CAST: variants seen among roughly 807,000 people sequenced by gnomAD.
The protein encoded by CAST is calpastatin, also known as MIR583 host.
A neutral mutation model predicts 119.6 loss-of-function variants in CAST; 76 were observed. The observed-to-expected ratio is 0.64, with a 90% CI of 0.53 to 0.77. CAST has a LOEUF of 0.77. Ranked by LOEUF, CAST falls within the 30% of genes least tolerant of loss-of-function variation. The probability of loss-of-function intolerance (pLI) is 0.00; values close to 1 mark genes in which losing one functional copy is unlikely to be tolerated. For missense variants in CAST, 953 were observed against 946.5 expected, an observed-to-expected ratio of 1.01 and a Z score of -0.09; for synonymous variants, 319 against 331.6, an observed-to-expected ratio of 0.96 and a Z score of 0.41.
At chr5:96,433,607 G>A in the CAST span, among the ~76,000 whole-genome samples, 7 of 152,000 alleles carry the variant, frequency 4.6e-5, no homozygotes, top group Non-Finnish European at 8.8e-5. Context: ...GTGGCGGGGA[G>A]GGGGGGAGGC....
At position 96,737,920 on chromosome 5, in the gene CAST, T is replaced by C. The variant is rs975135177; in HGVS notation, c.771T>C (p.Asn257=). The C allele has an allele frequency of 1.1e-5, 18 of 1,600,242 alleles. No homozygotes were observed. Among genetic ancestry groups the C allele is most frequent in the Admixed American group, 1.7e-5 (1 of 59,954 alleles). ...GACCTGAAGAAACTGAAGAAGAAAA[T>C]ACAACGTATACTGGACCAGAAGTTT... is the stretch of plus-strand genomic sequence containing the variant. ...LGGPEETEEE[N]TTYTGPEVSD... The change falls in exon 11 of 32, where the codon AAT becomes AAC. Residue 257 remains asparagine, a synonymous_variant. Coordinates refer to ENST00000675179, the MANE Select transcript of CAST (RefSeq NM_001750.7).
At chr5:96,676,746 T>A (rs1010879327) in intron 2 of CAST, among the ~76,000 whole-genome samples, 3 of 151,936 alleles carry the variant, frequency 2.0e-5, no homozygotes, top group African/African-American at 7.3e-5. Flanking sequence ...TTTTTCTTTT[T>A]CCCAACATGA....
chr5:96,453,004 C>T, the CAST span, among the ~76,000 whole-genome samples: 4 of 146,364 alleles, frequency 2.7e-5, no homozygotes, highest in African/African-American at 7.8e-5. Flanking sequence ...AAAATCCTGT[C>T]ACAGAAATTC....
the CAST span, among the ~76,000 whole-genome samples, chr5:96,019,885 A>C: frequency 1.3e-5 from 2 of 152,242 alleles, no homozygotes; most frequent in African/African-American, 4.8e-5. Context: ...TTTTGAGTAA[A>C]TGCGATTTCC....
chr5:96,207,887 A>G, the CAST span, among the ~76,000 whole-genome samples: 4 of 151,770 alleles, frequency 2.6e-5, no homozygotes, highest in Admixed American at 6.6e-5. Flanking sequence ...GCTCTTCTTT[A>G]TGTGTCTAGT....
chr5:96,313,620 T>C, the CAST span, among the ~76,000 whole-genome samples: 1 of 152,234 alleles, frequency 6.6e-6, no homozygotes, highest in South Asian at 2.1e-4. Context: ...AACATCCATA[T>C]GCAGGTTTTT....
chr5:96,119,278 A>T, the CAST span, among the ~76,000 whole-genome samples: 2 of 152,178 alleles, frequency 1.3e-5, no homozygotes, highest in Non-Finnish European at 2.9e-5. Flanking sequence ...AGTTGAAAAA[A>T]ATTTTTAAAA....
the CAST span, chr5:95,961,676 C>G: frequency 1.9e-6 from 3 of 1,607,654 alleles, no homozygotes; most frequent in Non-Finnish European, 2.5e-6. Context: ...CACGACAGCC[C>G]ATAGCGCTGC....
At chr5:96,430,022 T>C in the CAST span, among the ~76,000 whole-genome samples, 1 of 152,246 alleles carries the variant, frequency 6.6e-6, no homozygotes, top group African/African-American at 2.4e-5. Context: ...TCAGTGCCAC[T>C]TTCCACTAAA....
the CAST span, among the ~76,000 whole-genome samples, chr5:96,082,862 T>G: frequency 6.6e-6 from 1 of 152,214 alleles, no homozygotes; most frequent in Admixed American, 6.5e-5. Context: ...GAAATTAGAA[T>G]TTCACTCCCT....
the CAST span, among the ~76,000 whole-genome samples, chr5:96,262,860 A>T: frequency 6.4e-4 from 98 of 152,168 alleles, no homozygotes; most frequent in East Asian, 0.019. Flanking sequence ...AGCAGGGCCC[A>T]ATCCCTGACC....
the CAST span, among the ~76,000 whole-genome samples, chr5:96,046,492 G>T: frequency 2.7e-3 from 410 of 152,218 alleles, 2 homozygotes; most frequent in Middle Eastern, 0.02. Flanking sequence ...ATCCAAAAAT[G>T]TAACATAATT....
the CAST span, among the ~76,000 whole-genome samples, chr5:96,477,306 GCACACACA>G: frequency 1.4e-5 from 2 of 145,290 alleles, no homozygotes; most frequent in African/African-American, 2.5e-5. Context: ...ACGCACGCGT[GCACACACA>G]CACACACACA....
chr5:96,451,185 A>G, the CAST span, among the ~76,000 whole-genome samples: 1 of 152,224 alleles, frequency 6.6e-6, no homozygotes, highest in Non-Finnish European at 1.5e-5. Flanking sequence ...GAGGGCAGAC[A>G]CCTAGTCTTA....
At chr5:96,247,320 T>C in the CAST span, among the ~76,000 whole-genome samples, 1 of 152,160 alleles carries the variant, frequency 6.6e-6, no homozygotes, top group Non-Finnish European at 1.5e-5. Flanking sequence ...GGTTCCAACT[T>C]TGGGTTATGC....
intron 1 of CAST, among the ~76,000 whole-genome samples, chr5:96,599,439 T>G (rs983548147): frequency 6.6e-6 from 1 of 152,216 alleles, no homozygotes; most frequent in Non-Finnish European, 1.5e-5. Flanking sequence ...CTAAGCAAGC[T>G]GTAATGTTAA....
chr5:96,654,647 A>G lies in CAST; in HGVS notation c.61-20892A>G, dbSNP rs574274014. 2.6e-5 allele frequency among the ~76,000 whole-genome samples: 4 copies of G among 152,376 alleles called. No homozygotes were observed. The South Asian group carries it at 8.3e-4, about 32-fold the overall frequency. The stretch of plus-strand genomic sequence containing the variant: ...ACTTGACTACACTCAGATGTTATCA[A>G]GAGTAAGTTCATTAATAACTTGCTG... On this transcript the variant is annotated intron_variant, in intron 1 of 11. Transcript: ENST00000505143.
chr5:96,389,936 AG>A, the CAST span, among the ~76,000 whole-genome samples: 1 of 151,954 alleles, frequency 6.6e-6, no homozygotes, highest in South Asian at 2.1e-4. Context: ...CTCTAGCAAA[AG>A]AAAAAAAAAA....
the CAST span, among the ~76,000 whole-genome samples, chr5:95,995,820 A>G: frequency 6.6e-6 from 1 of 152,094 alleles, no homozygotes; most frequent in African/African-American, 2.4e-5. Context: ...CCTATATCCA[A>G]TGCATGACCC....
Sources: allele counts gnomAD v4.1 joint callset (sites outside exome capture counted in the v4.1 genomes callset), GRCh38; gene constraint gnomAD v4.1.1; transcripts MANE v1.5; gene names NCBI Gene and HGNC (gene_info 2026-07-23, HGNC 2026-07-21).